WDR62: variants seen among roughly 807,000 people sequenced by gnomAD.
WDR62 encodes WD repeat domain 62.
In WDR62, 112 loss-of-function variants were observed where a neutral mutation model predicts 160.6. That is an observed-to-expected ratio of 0.70 (90% confidence interval 0.60 to 0.82). The LOEUF is 0.82. Among genes scored for constraint, WDR62 ranks in the 40% least tolerant of loss-of-function variants. The probability of loss-of-function intolerance (pLI) is 0.00; values close to 1 mark genes in which losing one functional copy is unlikely to be tolerated. For missense variants in WDR62, 1,819 were observed against 1,983.8 expected (o/e 0.92, Z 1.58); for synonymous variants, 792 against 815.1 (o/e 0.97, Z 0.48).
rs140288606 is a variant in WDR62, at chr19:36,089,243, A to G, written c.1895A>G (p.Tyr632Cys). Residue 632 changes from tyrosine (Y) to cysteine (C), a missense_variant, in exon 15 of 32, where the codon TAT (tyrosine) becomes TGT (cysteine). Transcript: ENST00000401500. Reference protein sequence around the residue: ...THHVAEKTTLYDMDIDITQKY... With the variant: ...THHVAEKTTLCDMDIDITQKY... ...CACGTAGCAGAGAAAACCACCTTGT[A>G]TGACATGGACATTGACATCACCCAG... is the stretch of plus-strand genomic sequence containing the variant. 22 of 1,614,072 alleles carry G rather than the reference A, an allele frequency of 1.4e-5. No homozygotes were observed. The highest frequency in any genetic ancestry group is 6.6e-5 in the South Asian group (6 of 91,090).
chr19:36,071,117 T>G (rs577703781), intron 7 of WDR62: 2 of 189,588 alleles, frequency 1.1e-5, no homozygotes, highest in Non-Finnish European at 2.2e-5. Context: ...GGCAGGAGAA[T>G]CACTTGAACC....
intron 16 of WDR62, among the ~76,000 whole-genome samples, chr19:36,090,905 CTGTG>C (rs950355698): frequency 1.3e-5 from 2 of 152,262 alleles, no homozygotes; most frequent in Non-Finnish European, 2.9e-5. Flanking sequence ...CTCAGGCTGA[CTGTG>C]TGACCTTGGG....
chr19:36,103,301 A>G, intron 29 of WDR62, 42 bp from the exon 30 acceptor site: 3 of 1,612,800 alleles, frequency 1.9e-6, no homozygotes, highest in Non-Finnish European at 2.5e-6. Flanking sequence ...CCTAGCCATC[A>G]GTTCTGTGTG....
rs1970498373 is a variant in WDR62 at position 36,058,863 on chromosome 19, C to T, written c.261C>T (p.Tyr87=). Residue 87 remains tyrosine, a synonymous_variant, in exon 2 of 32, where the codon TAC becomes TAT. Transcript: ENST00000401500. ...TCDPGTGHVA[Y]LAGCVVVILD... ...ACCCCGGCACAGGCCATGTGGCCTACCTGGCAGGGTAAGCAGATAAGGGCC... is the reference window on the plus strand; with the variant it reads ...ACCCCGGCACAGGCCATGTGGCCTATCTGGCAGGGTAAGCAGATAAGGGCC... 3 of 1,613,898 alleles carry T rather than the reference C, an allele frequency of 1.9e-6. No individual in the cohort carries two copies. The highest frequency in any genetic ancestry group is 2.5e-6 in the Non-Finnish European group (3 of 1,179,746).
chr19:36,067,520 C>T, intron 6 of WDR62, 77 bp downstream of exon 6: 1 of 1,602,332 alleles, frequency 6.2e-7, no homozygotes, highest in Non-Finnish European at 8.5e-7. Context: ...CCTGTTTCTC[C>T]CTGAGATTTG....
chr19:36,101,724 C>T lies in WDR62; in HGVS notation c.3032C>T (p.Pro1011Leu), dbSNP rs574617325. 3.9e-6 allele frequency: 6 copies of T among 1,551,652 alleles called. No homozygotes were observed. Among genetic ancestry groups the T allele is most frequent in the African/African-American group, 2.7e-5 (2 of 73,172 alleles). Reference protein sequence around the residue: ...CSFAAIHSPAPPPDPAPRFAT... With the variant: ...CSFAAIHSPALPPDPAPRFAT... The stretch of plus-strand genomic sequence containing the variant: ...TTCGCAGCCATCCACTCCCCAGCTC[C>T]GCCTCCTGACCCTGCCCCTCGGTTT... The change falls in exon 25 of 32, where the codon CCG becomes CTG. Residue 1011 changes from proline to leucine, a missense_variant. Pro to Leu is a moderately conservative substitution (Grantham distance 98). This residue lies in a region of WDR62 where 770 missense variants were observed against 734.2 expected (regional missense o/e 1.05). Coordinates refer to ENST00000401500, the MANE Select transcript of WDR62 (RefSeq NM_001083961.2).
chr19:36,058,056 T>C (rs1970455356), intron 1 of WDR62, among the ~76,000 whole-genome samples: 1 of 152,160 alleles, frequency 6.6e-6, no homozygotes. Context: ...TTTATACATA[T>C]AAAAGTACTA....
intron 7 of WDR62, among the ~76,000 whole-genome samples, chr19:36,069,070 G>T (rs551311234): frequency 6.6e-6 from 1 of 151,294 alleles, no homozygotes; most frequent in South Asian, 2.1e-4. Flanking sequence ...CTGGCCGGGC[G>T]GGGGCTAACC....
rs574365545 is a variant in WDR62, at chr19:36,060,181, C to T, written c.332+151C>T. 1.6e-4 allele frequency: 131 copies of T among 799,582 alleles called. No individual in the cohort carries two copies. The African/African-American group carries it at 2.0e-3, about 12-fold the overall frequency. 49.5% of individuals were successfully genotyped at this position (799,582 alleles called of 1,614,324 possible). A position where few individuals can be genotyped will look rare whatever the true frequency, so the allele number is the denominator to read the frequency against. On this transcript the variant is annotated intron_variant, in intron 3 of 31. Coordinates refer to ENST00000401500, the MANE Select transcript of WDR62 (RefSeq NM_001083961.2). Reference sequence around the variant, plus strand: ...GCATTCGCCTGTGCTGGGTGCTGTTCCGTGTGCTGGGGACACAGCAGTGAC... The same window carrying T: ...GCATTCGCCTGTGCTGGGTGCTGTTTCGTGTGCTGGGGACACAGCAGTGAC...
In WDR62 at chr19:36,103,336, G is replaced by A. The variant is rs368668756; in HGVS notation, c.3515-7G>A. 52 of 1,613,588 alleles carry A rather than the reference G, an allele frequency of 3.2e-5. No individual in the cohort carries two copies. Among genetic ancestry groups the A allele is most frequent in the African/African-American group, 1.3e-4 (10 of 74,918 alleles). ...GGTGGAGTCAGTGCCATCTGCTTCC[G>A]TTACAGCTCCCTGCCTTACGAGCCT... On this transcript the variant is annotated splice_region_variant and splice_polypyrimidine_tract_variant and intron_variant, in intron 29 of 31. Transcript: ENST00000401500.
At chr19:36,055,735 C>T (rs1172160409) in intron 1 of WDR62, among the ~76,000 whole-genome samples, 1 of 152,122 alleles carries the variant, frequency 6.6e-6, no homozygotes, top group Non-Finnish European at 1.5e-5. Context: ...AGAACAGTTC[C>T]CTAAATCCTG....
intron 10 of WDR62, 58 bp from the exon 11 acceptor site, chr19:36,083,005 C>T (rs558769451): frequency 5.8e-4 from 879 of 1,518,892 alleles, no homozygotes; most frequent in Non-Finnish European, 7.4e-4. Context: ...TGGAGGGACA[C>T]GATTTCAGAG....
At chr19:36,068,083 G>C in intron 7 of WDR62, 73 bp downstream of exon 7, 1 of 1,528,078 alleles carries the variant, frequency 6.5e-7, no homozygotes, top group Non-Finnish European at 8.9e-7. Context: ...GTGCTCATCA[G>C]CATTGACCAC....
At chr19:36,066,233 C>T (rs771948844) in intron 4 of WDR62, 24 bp from the exon 5 acceptor site, 1 of 1,613,826 alleles carries the variant, frequency 6.2e-7, no homozygotes, top group Non-Finnish European at 8.5e-7. Context: ...AGCCCAGCAG[C>T]AGTAACGACC....
intron 5 of WDR62, among the ~76,000 whole-genome samples, chr19:36,066,836 G>A (rs946398315): frequency 1.3e-5 from 2 of 152,156 alleles, no homozygotes; most frequent in African/African-American, 4.8e-5. Context: ...CCCACTATGT[G>A]ACCTTGAGCA....
At chr19:36,096,661 A>G (rs984210217) in intron 20 of WDR62, among the ~76,000 whole-genome samples, 3 of 151,328 alleles carry the variant, frequency 2.0e-5, no homozygotes, top group Admixed American at 6.6e-5. Context: ...CAGTGAGCCG[A>G]GATCGCGCCA....
chr19:36,101,158 C>G, intron 23 of WDR62, 56 bp from the exon 24 acceptor site: 2 of 1,509,124 alleles, frequency 1.3e-6, no homozygotes, highest in African/African-American at 1.4e-5. Context: ...GTGGGGCTAG[C>G]TGTTGAGTCT....
At chr19:36,101,918 G>A in intron 25 of WDR62, 96 bp from the exon 26 acceptor site, 4 of 1,587,896 alleles carry the variant, frequency 2.5e-6, no homozygotes, top group Non-Finnish European at 2.6e-6. Flanking sequence ...GGGCAACAGG[G>A]CAGGGATGGG....
rs1478919365 is a variant in WDR62, at chr19:36,054,899, T to A, written c.-73T>A. ...CGCCGGCTTTCCCGCGGCTGTTCGC[T>A]GTTCCAGTGGGTCGTGGCGGTGGCG... On this transcript the variant is annotated 5_prime_UTR_variant, in exon 1 of 32. Transcript: ENST00000401500. The A allele has an allele frequency of 2.0e-6, 3 of 1,530,412 alleles. No individual in the cohort carries two copies. Among genetic ancestry groups the A allele is most frequent in the Non-Finnish European group, 2.6e-6 (3 of 1,137,066 alleles). The allele number at this position is 1,530,412 out of a possible 1,614,324, so 94.8% of individuals were successfully genotyped here. A position where few individuals can be genotyped will look rare whatever the true frequency, so the allele number is the denominator to read the frequency against.
Sources: gnomAD v4.1 joint callset for allele counts (sites outside exome capture counted in the v4.1 genomes callset) on GRCh38, gnomAD v4.1.1 for gene constraint, gnomAD v4.1.1 regional missense constraint, MANE v1.5 for transcripts, NCBI Gene and HGNC (gene_info 2026-07-23, HGNC 2026-07-21) for gene names.